ZCCHC17: variants seen among roughly 807,000 people sequenced by gnomAD.
The protein encoded by ZCCHC17 is zinc finger CCHC domain-containing protein 17.
ZCCHC17 carries 18 observed loss-of-function variants against 30.6 expected under a neutral mutation model. The ratio of observed to expected loss-of-function variants is 0.59; its 90% CI spans 0.41 to 0.87. ZCCHC17 has a LOEUF of 0.87. Among genes scored for constraint, ZCCHC17 ranks in the 40% least tolerant of loss-of-function variants. The pLI, the probability that ZCCHC17 is intolerant of heterozygous loss-of-function variation, is 0.00. For synonymous variants in ZCCHC17, 88 were observed against 92.4 expected, an observed-to-expected ratio of 0.95 and a Z score of 0.27; for missense variants, 263 against 284.2, an observed-to-expected ratio of 0.93 and a Z score of 0.54.
chr1:31,326,662 C>A (rs955226508), intron 3 of ZCCHC17, among the ~76,000 whole-genome samples: 2 of 152,162 alleles, frequency 1.3e-5, no homozygotes, highest in Non-Finnish European at 2.9e-5. Context: ...TTTATCCATA[C>A]CCTGTCAGGT....
intron 2 of ZCCHC17, among the ~76,000 whole-genome samples, chr1:31,312,770 T>C (rs973178633): frequency 6.6e-6 from 1 of 152,210 alleles, no homozygotes; most frequent in Non-Finnish European, 1.5e-5. Context: ...TGCTTGTTCA[T>C]TTGTTTGAGA....
chr1:31,361,678 C>T (rs1389494824), intron 7 of ZCCHC17, among the ~76,000 whole-genome samples: 2 of 152,198 alleles, frequency 1.3e-5, no homozygotes, highest in African/African-American at 4.8e-5. Flanking sequence ...CATGAAGATC[C>T]CAACTGCGCC....
chr1:31,338,132 G>A (rs1251667376), intron 4 of ZCCHC17, among the ~76,000 whole-genome samples: 1 of 144,396 alleles, frequency 6.9e-6, no homozygotes, highest in Non-Finnish European at 1.5e-5. Context: ...ACTAAACCTG[G>A]CCTTTTTTTT....
intron 2 of ZCCHC17, chr1:31,318,281 T>C (rs533464108): frequency 1.4e-6 from 2 of 1,472,350 alleles, no homozygotes; most frequent in African/African-American, 1.4e-5. Context: ...TCATTTAGTG[T>C]TAAATTCAGC....
intron 1 of ZCCHC17, among the ~76,000 whole-genome samples, chr1:31,300,956 G>A (rs1646296976): frequency 6.6e-6 from 1 of 151,514 alleles, no homozygotes; most frequent in Admixed American, 6.6e-5. Flanking sequence ...AGAAAAAAAA[G>A]GGTGGTTTAG....
At chr1:31,297,586 G>A (rs1283791208) in intron 1 of ZCCHC17, among the ~76,000 whole-genome samples, 2 of 152,214 alleles carry the variant, frequency 1.3e-5, no homozygotes, top group African/African-American at 4.8e-5. Flanking sequence ...TTAGCAGCGC[G>A]TTGGGGGTAT....
At chr1:31,331,448 T>C (rs571905414) in intron 3 of ZCCHC17, among the ~76,000 whole-genome samples, 1 of 151,452 alleles carries the variant, frequency 6.6e-6, no homozygotes, top group South Asian at 2.1e-4. Flanking sequence ...GCCCGTCCTG[T>C]ATCATAATAT....
rs74508439 is a variant in ZCCHC17 at position 31,310,385 on chromosome 1, T to G, written c.66+221T>G. ...TTGGAATACCAGCATGTGTAATTTA[T>G]GTTTTAAAATGAATTTATTTTTTCA... On this transcript the variant is annotated intron_variant, in intron 2 of 7. Transcript: ENST00000344147. Among the ~76,000 whole-genome samples the G allele has an allele frequency of 5.9e-3, 894 of 152,372 alleles. 71 individuals carry two copies. In the East Asian group the frequency reaches 0.15, roughly 25 times the overall value.
At position 31,364,242 on chromosome 1, in the gene ZCCHC17, T is replaced by C. The variant is rs12139997; in HGVS notation, c.*49T>C. On this transcript the variant is annotated 3_prime_UTR_variant, in exon 8 of 8. Coordinates refer to ENST00000344147, the MANE Select transcript of ZCCHC17 (RefSeq NM_016505.4). ...GTTGAGAGTAAGAAACCAGGAGCCT[T>C]GTGCCTTGAGACTCCTGGAAAGACT... 0.14 allele frequency: 216,006 copies of C among 1,570,058 alleles called. 16,037 individuals are homozygous for C. Among genetic ancestry groups the C allele is most frequent in the Non-Finnish European group, 0.15 (178,399 of 1,161,166 alleles).
At chr1:31,344,305 T>C (rs1352739702) in intron 5 of ZCCHC17, among the ~76,000 whole-genome samples, 1 of 152,196 alleles carries the variant, frequency 6.6e-6, no homozygotes, top group East Asian at 1.9e-4. Context: ...TAGGGTAGTC[T>C]TTAGAAAAAG....
chr1:31,354,929 C>G (rs748862530), intron 7 of ZCCHC17, among the ~76,000 whole-genome samples: 6 of 152,144 alleles, frequency 3.9e-5, no homozygotes, highest in Non-Finnish European at 7.4e-5. Context: ...AATCCCAGCA[C>G]TTTGGGAGGC....
chr1:31,337,376 T>C, intron 4 of ZCCHC17, 101 bp downstream of exon 4: 1 of 1,018,200 alleles, frequency 9.8e-7, no homozygotes, highest in South Asian at 1.5e-5. Context: ...TTAATTGTGC[T>C]GATAATCTTA....
chr1:31,337,956 A>G (rs1638886157), intron 4 of ZCCHC17, among the ~76,000 whole-genome samples: 2 of 152,168 alleles, frequency 1.3e-5, no homozygotes, highest in South Asian at 4.1e-4. Context: ...TTAATATAGA[A>G]TATAAGTAGA....
intron 1 of ZCCHC17, among the ~76,000 whole-genome samples, chr1:31,300,138 T>A (rs1646273636): frequency 6.6e-6 from 1 of 152,176 alleles, no homozygotes; most frequent in Admixed American, 6.5e-5. Flanking sequence ...TGGCTCACTG[T>A]AGCCTCGACC....
chr1:31,355,588 A>G (rs1639614764), intron 7 of ZCCHC17, among the ~76,000 whole-genome samples: 1 of 152,216 alleles, frequency 6.6e-6, no homozygotes. Context: ...TCAGATTACT[A>G]ACAATATTCT....
At chr1:31,309,718 G>A (rs1360999637) in intron 1 of ZCCHC17, among the ~76,000 whole-genome samples, 1 of 151,922 alleles carries the variant, frequency 6.6e-6, no homozygotes, top group East Asian at 1.9e-4. Flanking sequence ...ATTTTTTTGA[G>A]ATCCGGTCAA....
chr1:31,363,444 A>G (rs1307438777), intron 7 of ZCCHC17, among the ~76,000 whole-genome samples: 4 of 152,082 alleles, frequency 2.6e-5, no homozygotes, highest in Non-Finnish European at 5.9e-5. Flanking sequence ...CGGCCTCCCA[A>G]AGTGCTGGGA....
chr1:31,344,027 G>C (rs1557451023), intron 5 of ZCCHC17, among the ~76,000 whole-genome samples: 1 of 151,542 alleles, frequency 6.6e-6, no homozygotes, highest in Non-Finnish European at 1.5e-5. Context: ...GCTAATTTTT[G>C]TTTTTTTAGT....
chr1:31,364,102 C>T lies in ZCCHC17; in HGVS notation c.635C>T (p.Thr212Ile), dbSNP rs1258235355. The change falls in exon 8 of 8, where the codon ACA becomes ATA. Residue 212 changes from threonine to isoleucine, a missense_variant. Coordinates refer to ENST00000344147, the MANE Select transcript of ZCCHC17 (RefSeq NM_016505.4). ...GACAGCTCAGACTCTGAGAGTGATA[C>T]AGGCAAGAGGGCAAGGCACACATCA... ...DSDSSDSESD[T>I]GKRARHTSKD... The T allele has an allele frequency of 1.9e-6, 3 of 1,613,732 alleles. No homozygotes were observed. Among genetic ancestry groups the T allele is most frequent in the Admixed American group, 1.7e-5 (1 of 60,004 alleles).
Sources: allele counts gnomAD v4.1 joint callset (sites outside exome capture counted in the v4.1 genomes callset), GRCh38; gene constraint gnomAD v4.1.1; transcripts MANE v1.5; gene names NCBI Gene and HGNC (gene_info 2026-07-23, HGNC 2026-07-21).